Variants in TRPV4 observed in about 807,000 individuals in gnomAD.
TRPV4 encodes the protein transient receptor potential cation channel subfamily V member 4.
A neutral mutation model predicts 84.1 loss-of-function variants in TRPV4; 58 were observed. That is an observed-to-expected ratio of 0.69 (90% CI 0.56 to 0.86). The LOEUF (loss-of-function observed/expected upper bound fraction) is 0.86. Among genes scored for constraint, TRPV4 ranks in the 40% least tolerant of loss-of-function variants. The probability of loss-of-function intolerance (pLI) is 0.00; values close to 1 mark genes in which losing one functional copy is unlikely to be tolerated. For missense variants in TRPV4, 879 were observed against 1,181.1 expected (o/e 0.74, Z 3.75); for synonymous variants, 489 against 500.9 (o/e 0.98, Z 0.32).
intron 1 of TRPV4, among the ~76,000 whole-genome samples, chr12:109,818,605 G>C (rs148130449): frequency 6.6e-6 from 1 of 152,166 alleles, no homozygotes; most frequent in Non-Finnish European, 1.5e-5. Flanking sequence ...TCTGAGCCTC[G>C]GTTTCTCTAC....
In TRPV4 at chr12:109,784,346, A is replaced by C. The variant is rs1889545202; in HGVS notation, c.2428T>G (p.Phe810Val). The C allele has an allele frequency of 7.4e-6, 12 of 1,614,208 alleles. No individual in the cohort carries two copies. The highest frequency in any genetic ancestry group is 1.0e-5 in the Non-Finnish European group (12 of 1,180,048). ...GKNETYQYYG[F>V]SHTVGRLRRD... ...CGGAGGCGGCCCACGGTATGCGAGA[A>C]GCCATAATACTGGTAGGTCTCATTC... The change falls in exon 15 of 16, where the codon TTC becomes GTC. Residue 810 changes from phenylalanine to valine, a missense_variant. Physicochemically the swap from Phe to Val is conservative, Grantham distance 50 (BLOSUM62 -1). Transcript: ENST00000261740.
chr12:109,819,869 C>T (rs1242392818), intron 1 of TRPV4, among the ~76,000 whole-genome samples: 1 of 152,136 alleles, frequency 6.6e-6, no homozygotes, highest in African/African-American at 2.4e-5. Flanking sequence ...GCCAAAGTAG[C>T]GGTTTTTGAA....
intron 8 of TRPV4, 80 bp from the exon 9 acceptor site, chr12:109,794,102 C>G: frequency 7.7e-7 from 1 of 1,294,826 alleles, no homozygotes; most frequent in Non-Finnish European, 1.1e-6. Context: ...CCCCCAGGCC[C>G]GAAACATCGG....
intron 1 of TRPV4, among the ~76,000 whole-genome samples, chr12:109,831,823 C>A (rs1892417505): frequency 6.6e-6 from 1 of 152,206 alleles, no homozygotes; most frequent in African/African-American, 2.4e-5. Flanking sequence ...ACAAAGTGAA[C>A]CGCCCTGAAC....
chr12:109,803,222 T>C (rs1890924044), intron 3 of TRPV4, 79 bp from the exon 4 acceptor site: 10 of 1,542,604 alleles, frequency 6.5e-6, no homozygotes, highest in Non-Finnish European at 8.8e-6. Flanking sequence ...TACAGAACAC[T>C]GGGTAGGGGG....
chr12:109,831,214 C>T (rs1440813625), intron 1 of TRPV4, among the ~76,000 whole-genome samples: 4 of 152,194 alleles, frequency 2.6e-5, no homozygotes, highest in Non-Finnish European at 5.9e-5. Flanking sequence ...AGGTAAAAGT[C>T]ATATCTCTGC....
chr12:109,823,032 C>G (rs891468111), intron 1 of TRPV4, among the ~76,000 whole-genome samples: 5 of 152,190 alleles, frequency 3.3e-5, no homozygotes, highest in African/African-American at 1.2e-4. Flanking sequence ...ACTCTGGCAG[C>G]CACCTCGAAG....
In TRPV4 at chr12:109,788,383, G is replaced by A; in HGVS notation, c.2208+17C>T. On this transcript the variant is annotated intron_variant, in intron 13 of 15. Transcript: ENST00000261740. ...AGGGTGGCTGGTAGAGTGGGGCTGGGGGCCCTGGGGCCTCACCTGCAGCTT... is the reference window on the plus strand; with the variant it reads ...AGGGTGGCTGGTAGAGTGGGGCTGGAGGCCCTGGGGCCTCACCTGCAGCTT... 6.2e-7 allele frequency: 1 copy of A among 1,609,568 alleles called. No individual in the cohort carries two copies. Among genetic ancestry groups the A allele is most frequent in the Non-Finnish European group, 8.5e-7 (1 of 1,178,168 alleles).
At chr12:109,823,000 A>T (rs1189940161) in intron 1 of TRPV4, among the ~76,000 whole-genome samples, 1 of 152,230 alleles carries the variant, frequency 6.6e-6, no homozygotes, top group East Asian at 1.9e-4. Context: ...CAGAGCGGCC[A>T]GATCCAGAGC....
chr12:109,798,254 G>A lies in TRPV4; in HGVS notation c.1152+360C>T, dbSNP rs550669166. On this transcript the variant is annotated intron_variant, in intron 6 of 15. Coordinates refer to ENST00000261740, the MANE Select transcript of TRPV4 (RefSeq NM_021625.5). This position sits in a 1 kb window ranked among gnomAD's most constrained non-coding sequence, Gnocchi z 5.0. ...CCCTTCTCCAGGCCCCATGCTGCGC[G>A]GCCCAGAAAAGGGAAGGAACTGGGG... 3.3e-5 allele frequency among the ~76,000 whole-genome samples: 5 copies of A among 152,282 alleles called. No individual in the cohort carries two copies. Among genetic ancestry groups the A allele is most frequent in the South Asian group, 2.1e-4 (1 of 4,828 alleles).
chr12:109,798,324 G>C lies in TRPV4; in HGVS notation c.1152+290C>G, dbSNP rs1592837774. ...TGAGGCTGGGAGCACCGCTGGGCTA[G>C]GGCCCGGGGACTCAGTTTCTTATCA... On this transcript the variant is annotated intron_variant, in intron 6 of 15. Transcript: ENST00000261740. This position sits in a 1 kb window ranked among gnomAD's most constrained non-coding sequence, Gnocchi z 5.0. Among the ~76,000 whole-genome samples, 1 of 152,198 alleles carries C rather than the reference G, an allele frequency of 6.6e-6. No individual in the cohort carries two copies. The highest frequency in any genetic ancestry group is 6.5e-5 in the Admixed American group (1 of 15,284).
At chr12:109,832,639 C>CTAAG (rs1019317987) in intron 1 of TRPV4, 2 of 153,224 alleles carry the variant, frequency 1.3e-5, no homozygotes, top group Non-Finnish European at 1.5e-5. Flanking sequence ...GATCCCCGAC[C>CTAAG]TAAGCCTCAG....
rs75903219 is a variant in TRPV4 at position 109,815,444 on chromosome 12, T to C, written c.-31-617A>G. ...GGCAGTCCTTTTCCTCATCAAACACTGTCATGATGAACCCATTTTACAGAA... is the reference window on the plus strand; with the variant it reads ...GGCAGTCCTTTTCCTCATCAAACACCGTCATGATGAACCCATTTTACAGAA... On this transcript the variant is annotated intron_variant, in intron 1 of 15. Coordinates refer to ENST00000261740, the MANE Select transcript of TRPV4 (RefSeq NM_021625.5). This position sits in a 1 kb window ranked among gnomAD's most constrained non-coding sequence, Gnocchi z 4.1. Among the ~76,000 whole-genome samples the C allele has an allele frequency of 0.05, 7,670 of 152,240 alleles. 508 individuals are homozygous for C. Among genetic ancestry groups the C allele is most frequent in the African/African-American group, 0.15 (6,329 of 41,512 alleles).
At position 109,798,857 on chromosome 12, in the gene TRPV4, G is replaced by A; in HGVS notation, c.909C>T (p.Tyr303=). The A allele has an allele frequency of 6.2e-7, 1 of 1,614,052 alleles. No individual in the cohort carries two copies. Residue 303 remains tyrosine, a synonymous_variant, in exon 6 of 16, where the codon TAC becomes TAT. Transcript: ENST00000261740. The surrounding 1 kb of genome is among the most constrained non-coding windows in gnomAD (Gnocchi z 5.0). ...ACTNQPHIVN[Y]LTENPHKKAD... is the part of the protein sequence containing the mutation. The stretch of plus-strand genomic sequence containing the variant: ...CCTTCTTGTGGGGGTTCTCCGTCAG[G>A]TAGTTGACAATGTGGGGCTGGTTGG...
chr12:109,802,433 C>A (rs1399467785), intron 4 of TRPV4, among the ~76,000 whole-genome samples: 1 of 151,752 alleles, frequency 6.6e-6, no homozygotes, highest in Non-Finnish European at 1.5e-5. Flanking sequence ...TCCCAAGTAG[C>A]TGAGATTATA....
chr12:109,792,874 C>T, intron 10 of TRPV4, 57 bp from the exon 11 acceptor site: 2 of 1,594,104 alleles, frequency 1.3e-6, no homozygotes, highest in Non-Finnish European at 1.7e-6. Flanking sequence ...CAATGAGGCT[C>T]TGGAGGGGAA....
Position 109,786,825 on chromosome 12 carries a change from T to C in TRPV4, c.2221A>G (p.Ile741Val). 6.2e-7 allele frequency: 1 copy of C among 1,613,896 alleles called. No individual in the cohort carries two copies. The change falls in exon 14 of 16, where the codon ATC becomes GTC. Residue 741 changes from isoleucine (I) to valine (V), a missense_variant. Around this residue, in one of 4 missense-constraint regions of TRPV4, gnomAD observed 242 missense variants for 355.3 expected, o/e 0.68. Coordinates refer to ENST00000261740, the MANE Select transcript of TRPV4 (RefSeq NM_021625.5). The surrounding 1 kb of genome is among the most constrained non-coding windows in gnomAD (Gnocchi z 4.5). ...GGGAAGGAGCGCTCAATGTCCAGGATGGTGGTGGCCCACTGCGGGGAGGGA... is the reference window on the plus strand; with the variant it reads ...GGGAAGGAGCGCTCAATGTCCAGGACGGTGGTGGCCCACTGCGGGGAGGGA... ...HIWKLQWATT[I>V]LDIERSFPVF...
intron 1 of TRPV4, among the ~76,000 whole-genome samples, chr12:109,828,928 TAATC>T (rs1269955099): frequency 1.3e-5 from 2 of 152,122 alleles, no homozygotes; most frequent in Non-Finnish European, 2.9e-5. Flanking sequence ...CTCACACCTG[TAATC>T]TGAGCACTTT....
chr12:109,792,894 C>T, intron 10 of TRPV4, 77 bp from the exon 11 acceptor site: 3 of 1,499,594 alleles, frequency 2.0e-6, no homozygotes, highest in Admixed American at 3.5e-5. Context: ...AGACACGCCT[C>T]CAAGCCCTCC....
Sources: gnomAD v4.1 joint callset for allele counts (sites outside exome capture counted in the v4.1 genomes callset) on GRCh38, gnomAD v4.1.1 for gene constraint, gnomAD v4.1.1 regional missense constraint, Gnocchi (gnomAD v3.1) non-coding constraint, MANE v1.5 for transcripts, NCBI Gene and HGNC (gene_info 2026-07-23, HGNC 2026-07-21) for gene names.